RIMS2: variants seen among roughly 807,000 people sequenced by gnomAD.
The protein encoded by RIMS2 is regulating synaptic membrane exocytosis protein 2.
Under a neutral mutation model 174.4 loss-of-function variants are expected in RIMS2, and 59 were observed. The observed-to-expected ratio is 0.34, with a 90% CI of 0.27 to 0.42. The LOEUF (loss-of-function observed/expected upper bound fraction) is 0.42, where lower values mean the gene tolerates loss of function less well. Among genes scored for constraint, RIMS2 ranks in the 10% least tolerant of loss-of-function variants. The pLI is 1.00. For missense variants in RIMS2, 1,620 were observed against 1,666.3 expected (o/e 0.97, Z 0.48); for synonymous variants, 606 against 572.5 (o/e 1.06, Z -0.84).
At chr8:103,592,197 A>T (rs993540311) in intron 1 of RIMS2, among the ~76,000 whole-genome samples, 1 of 151,050 alleles carries the variant, frequency 6.6e-6, no homozygotes, top group African/African-American at 2.4e-5. Context: ...CATTTTCACA[A>T]TTTTCTTTCT....
At chr8:104,010,412 C>T (rs1474539436) in intron 17 of RIMS2, among the ~76,000 whole-genome samples, 1 of 152,048 alleles carries the variant, frequency 6.6e-6, no homozygotes, top group Non-Finnish European at 1.5e-5. Flanking sequence ...AAGTTGTTCT[C>T]TTTATTATTG....
At chr8:103,517,055 G>T (rs1254573754) in intron 1 of RIMS2, among the ~76,000 whole-genome samples, 3 of 152,126 alleles carry the variant, frequency 2.0e-5, no homozygotes, top group Non-Finnish European at 4.4e-5. Flanking sequence ...ACTAATTTAG[G>T]AAACAGAGAG....
At chr8:103,576,845 A>G (rs953581114) in intron 1 of RIMS2, among the ~76,000 whole-genome samples, 6 of 152,226 alleles carry the variant, frequency 3.9e-5, no homozygotes, top group Non-Finnish European at 1.5e-5. Context: ...TATTTAATCA[A>G]TGGTGTTGGG....
intron 8 of RIMS2, 42 bp downstream of exon 11, chr8:103,916,579 AG>A: frequency 1.3e-6 from 2 of 1,495,204 alleles, no homozygotes; most frequent in Non-Finnish European, 1.8e-6. Context: ...GAAGTTGAAT[AG>A]TGTTAAACAA....
At chr8:103,787,348 T>C (rs1222849369) in intron 3 of RIMS2, among the ~76,000 whole-genome samples, 1 of 151,976 alleles carries the variant, frequency 6.6e-6, no homozygotes, top group Non-Finnish European at 1.5e-5. Flanking sequence ...CGTTAGTTGA[T>C]GCAGTTTCTT....
intron 17 of RIMS2, chr8:103,998,313 A>G: frequency 9.2e-7 from 1 of 1,085,246 alleles, no homozygotes; most frequent in Non-Finnish European, 1.4e-6. Context: ...TTGATATGAT[A>G]TAGTTCACTT....
Position 104,215,164 on chromosome 8 carries a change from AT to A in RIMS2, c.3335-29747del, listed in dbSNP as rs1274373081. 2.0e-5 allele frequency among the ~76,000 whole-genome samples: 3 copies of A among 152,224 alleles called. 1 individual carries two copies. The highest frequency in any genetic ancestry group is 4.4e-5 in the Non-Finnish European group (3 of 68,028). ...ATCTATGAAAAATGCCAAATTTTCT[AT>A]TTTTATGTCAGCATATCAAGCAGTA... On this transcript the variant is annotated intron_variant, in intron 19 of 23. Coordinates refer to ENST00000504942, the Ensembl canonical transcript of RIMS2.
At chr8:103,690,801 T>A (rs1349518096) in intron 1 of RIMS2, among the ~76,000 whole-genome samples, 1 of 152,164 alleles carries the variant, frequency 6.6e-6, no homozygotes, top group Non-Finnish European at 1.5e-5. Flanking sequence ...TACTAGTGAG[T>A]TTTGTACCTT....
intron 19 of RIMS2, among the ~76,000 whole-genome samples, chr8:104,081,233 C>T (rs910233878): frequency 2.1e-4 from 32 of 152,116 alleles, no homozygotes; most frequent in African/African-American, 7.7e-4. Flanking sequence ...GAACATGTTA[C>T]TTCTTAAGCC....
intron 19 of RIMS2, among the ~76,000 whole-genome samples, chr8:104,165,693 T>C (rs1409961626): frequency 6.6e-6 from 1 of 152,144 alleles, no homozygotes; most frequent in African/African-American, 2.4e-5. Context: ...AGTTTTATCC[T>C]GTTTTTCAGT....
intron 1 of RIMS2, among the ~76,000 whole-genome samples, chr8:103,506,007 A>G (rs888171714): frequency 2.6e-5 from 4 of 151,992 alleles, no homozygotes; most frequent in Non-Finnish European, 2.9e-5. Flanking sequence ...TGTTTTATGG[A>G]TTTTGAGTTT....
intron 19 of RIMS2, among the ~76,000 whole-genome samples, chr8:104,140,398 T>C (rs903676510): frequency 6.6e-6 from 1 of 152,162 alleles, no homozygotes; most frequent in Non-Finnish European, 1.5e-5. Context: ...TAACTTTTGC[T>C]AATTTGTATA....
At chr8:103,580,915 C>T (rs376421016) in intron 1 of RIMS2, among the ~76,000 whole-genome samples, 85 of 149,528 alleles carry the variant, frequency 5.7e-4, no homozygotes, top group East Asian at 7.9e-4. Flanking sequence ...CTGCAAGCTC[C>T]GCCTCCTGGG....
intron 3 of RIMS2, among the ~76,000 whole-genome samples, chr8:103,798,037 T>G (rs2098564781): frequency 6.6e-6 from 1 of 152,142 alleles, no homozygotes; most frequent in South Asian, 2.1e-4. Context: ...TATTGAAAAT[T>G]CCCAATGGAA....
chr8:104,083,388 C>A (rs1440454948), intron 19 of RIMS2, among the ~76,000 whole-genome samples: 1 of 152,140 alleles, frequency 6.6e-6, no homozygotes, highest in Non-Finnish European at 1.5e-5. Flanking sequence ...CTGATGTGTT[C>A]TCATGTCTTA....
intron 3 of RIMS2, among the ~76,000 whole-genome samples, chr8:103,831,591 A>T (rs1482610716): frequency 6.6e-6 from 1 of 152,168 alleles, no homozygotes; most frequent in Non-Finnish European, 1.5e-5. Context: ...TTGCTTTCAT[A>T]ATGATATGAA....
At chr8:103,640,381 C>T (rs2096202545) in intron 1 of RIMS2, among the ~76,000 whole-genome samples, 1 of 151,674 alleles carries the variant, frequency 6.6e-6, no homozygotes, top group South Asian at 2.1e-4. Flanking sequence ...TTTTCAAGTT[C>T]ATTGATTTTT....
exon 19 of RIMS2, chr8:104,014,516 C>T (rs1305079529): frequency 1.2e-6 from 2 of 1,602,166 alleles, no homozygotes; most frequent in Non-Finnish European, 1.7e-6. Context: ...GTCTCATCCT[C>T]GTACTGGGTC....
At chr8:103,974,926 A>C (rs955762153) in intron 15 of RIMS2, among the ~76,000 whole-genome samples, 1 of 152,068 alleles carries the variant, frequency 6.6e-6, no homozygotes, top group African/African-American at 2.4e-5. Flanking sequence ...TTTATCACTG[A>C]AAAAAAAGAT....
Sources: allele counts gnomAD v4.1 joint callset (sites outside exome capture counted in the v4.1 genomes callset), GRCh38; gene constraint gnomAD v4.1.1; transcripts MANE v1.5; gene names NCBI Gene and HGNC (gene_info 2026-07-23, HGNC 2026-07-21).